The following ABCA4 variants were observed in gnomAD, a reference collection of about 807,000 sequenced individuals.
The protein encoded by ABCA4 is retinal-specific phospholipid-transporting ATPase ABCA4.
A neutral mutation model predicts 263.7 loss-of-function variants in ABCA4; 196 were observed. The observed-to-expected ratio is 0.74, with a 90% confidence interval of 0.66 to 0.84. ABCA4 has a LOEUF of 0.84. ABCA4 is among the 40% of genes least tolerant of loss of function. The pLI is 0.00. For missense variants in ABCA4, 2,792 were observed against 2,855.1 expected (o/e 0.98, Z 0.50); for synonymous variants, 1,133 against 1,094.2 (o/e 1.04, Z -0.70).
At chr1:94,037,525 G>A (rs1462567290) in intron 24 of ABCA4, among the ~76,000 whole-genome samples, 175 bp from the exon 25 acceptor site, 3 of 152,014 alleles carry the variant, frequency 2.0e-5, no homozygotes, top group Non-Finnish European at 4.4e-5. Context: ...TAGCTTAGTT[G>A]GCCCTGAGAT....
In ABCA4 at chr1:94,042,809, G is replaced by A. The variant is rs752042614; in HGVS notation, c.3280C>T (p.Pro1094Ser). The A allele has an allele frequency of 1.9e-6, 3 of 1,614,160 alleles. No individual in the cohort carries two copies. Among genetic ancestry groups the A allele is most frequent in the Non-Finnish European group, 2.5e-6 (3 of 1,180,026 alleles). ...ILDEPTSGVD[P>S]YSRRSIWDLL... ...TCCCAGATTGAGCGTCTCGAGTAAG[G>A]GTCCACCCCAGAGGTGGGTTCGTCC... is the stretch of plus-strand genomic sequence containing the variant. The change falls in exon 22 of 50, where the codon CCT becomes TCT. Residue 1094 changes from proline (P) to serine (S), a missense_variant. Coordinates refer to ENST00000370225, the MANE Select transcript of ABCA4 (RefSeq NM_000350.3).
chr1:94,016,006 T>C (rs1659727689), intron 36 of ABCA4, 152 bp from the exon 37 acceptor site: 4 of 732,314 alleles, frequency 5.5e-6, no homozygotes, highest in African/African-American at 1.7e-5. Context: ...GGCAAACATA[T>C]GTTAAGCTGT....
In ABCA4 at chr1:94,060,537, C is replaced by T. The variant is rs775836570; in HGVS notation, c.2160G>A (p.Met720Ile). 6.2e-6 allele frequency: 10 copies of T among 1,613,464 alleles called. No homozygotes were observed. The highest frequency in any genetic ancestry group is 8.5e-6 in the Non-Finnish European group (10 of 1,179,884). Residue 720 changes from methionine (M) to isoleucine (I), a missense_variant and splice_region_variant, in exon 14 of 50, where the codon ATG becomes ATA. Physicochemically the swap from Met to Ile is conservative, Grantham distance 10. Transcript: ENST00000370225. Reference protein sequence around the residue: ...MSIFLLTIFIMHGRILHYSDP... With the variant: ...MSIFLLTIFIIHGRILHYSDP... ...TCTGGGCCTTCTCCATTTGGCTTAC[C>T]ATGATGAATATCGTCAGGAGGAAGA... is the stretch of plus-strand genomic sequence containing the variant.
intron 4 of ABCA4, among the ~76,000 whole-genome samples, chr1:94,107,214 C>A (rs369564059): frequency 2.0e-5 from 3 of 152,130 alleles, no homozygotes; most frequent in African/African-American, 7.2e-5. Context: ...GAGTCAACTC[C>A]CTAATCCTAG....
At chr1:94,011,167 C>G in intron 39 of ABCA4, 95 bp downstream of exon 39, 2 of 1,602,954 alleles carry the variant, frequency 1.2e-6, no homozygotes, top group East Asian at 2.2e-5. Context: ...CTCCTAGCAC[C>G]AGCCCCTGCC....
At chr1:94,014,826 A>G in intron 37 of ABCA4, 136 bp from the exon 38 acceptor site, 1 of 1,122,314 alleles carries the variant, frequency 8.9e-7, no homozygotes, top group Non-Finnish European at 1.3e-6. Flanking sequence ...GACCAGAGAG[A>G]TACTCCATTT....
At chr1:94,002,261 A>G (rs1219181092) in intron 44 of ABCA4, among the ~76,000 whole-genome samples, 1 of 152,188 alleles carries the variant, frequency 6.6e-6, no homozygotes, top group East Asian at 1.9e-4. Context: ...CAGCCTTACA[A>G]AGAGCAAGAC....
At chr1:94,104,684 C>T (rs1397031119) in intron 4 of ABCA4, among the ~76,000 whole-genome samples, 1 of 152,152 alleles carries the variant, frequency 6.6e-6, no homozygotes, top group Non-Finnish European at 1.5e-5. Context: ...GAGTGGTGCC[C>T]ACTGTCACTC....
chr1:94,038,977 A>T (rs553441679), intron 24 of ABCA4, among the ~76,000 whole-genome samples: 34 of 152,272 alleles, frequency 2.2e-4, no homozygotes, highest in African/African-American at 7.2e-4. Flanking sequence ...AAAGTAATTT[A>T]AAAAAAAGAA....
chr1:94,060,984 C>T (rs1466264861), intron 13 of ABCA4, among the ~76,000 whole-genome samples: 1 of 152,162 alleles, frequency 6.6e-6, no homozygotes, highest in African/African-American at 2.4e-5. Flanking sequence ...TTCTGGTTAG[C>T]CCGGGTGAAT....
At chr1:94,074,645 G>C (rs1435317053) in intron 11 of ABCA4, among the ~76,000 whole-genome samples, 1 of 152,204 alleles carries the variant, frequency 6.6e-6, no homozygotes, top group Non-Finnish European at 1.5e-5. Flanking sequence ...TCTCATGCCA[G>C]TCAGAATGGT....
chr1:94,086,588 T>C (rs1267867619), intron 6 of ABCA4, among the ~76,000 whole-genome samples: 3 of 152,066 alleles, frequency 2.0e-5, no homozygotes, highest in Non-Finnish European at 1.5e-5. Flanking sequence ...TGTTTACTTA[T>C]ATAAAGTACA....
In ABCA4 at chr1:94,049,402, T is replaced by C. The variant is rs371287597; in HGVS notation, c.2654-445A>G. ...GCACTTTGGGAGGCCAATGTAGGCG[T>C]ATCATGAGGTCAGGAGTTCGAGACC... On this transcript the variant is annotated intron_variant, in intron 17 of 49. Coordinates refer to ENST00000370225, the MANE Select transcript of ABCA4 (RefSeq NM_000350.3). Among the ~76,000 whole-genome samples, 15 of 152,202 alleles carry C rather than the reference T, an allele frequency of 9.9e-5. No individual in the cohort carries two copies. The East Asian group carries it at 2.1e-3, about 22-fold the overall frequency.
intron 26 of ABCA4, among the ~76,000 whole-genome samples, chr1:94,033,058 G>A (rs148615896): frequency 5.3e-4 from 80 of 152,306 alleles, no homozygotes; most frequent in Non-Finnish European, 8.4e-4. Context: ...TTTGAATATG[G>A]ATTCTTACAA....
rs1471859416 is a variant in ABCA4, at chr1:94,079,479, A to G, written c.1100-18T>C. On this transcript the variant is annotated intron_variant, in intron 8 of 49. Coordinates refer to ENST00000370225, the MANE Select transcript of ABCA4 (RefSeq NM_000350.3). Reference sequence around the variant, plus strand: ...AAAGGATGCTGCCAGGAGACAAGGGACAGATTTTACAGAAACTCCCCATTG... The same window carrying G: ...AAAGGATGCTGCCAGGAGACAAGGGGCAGATTTTACAGAAACTCCCCATTG... 1 of 1,614,032 alleles carries G rather than the reference A, an allele frequency of 6.2e-7. No individual in the cohort carries two copies. The highest frequency in any genetic ancestry group is 8.5e-7 in the Non-Finnish European group (1 of 1,180,006).
Position 94,090,757 on chromosome 1 carries a change from G to A in ABCA4, c.769-7316C>T, listed in dbSNP as rs548592102. On this transcript the variant is annotated intron_variant, in intron 6 of 49. Coordinates refer to ENST00000370225, the MANE Select transcript of ABCA4 (RefSeq NM_000350.3). Reference sequence around the variant, plus strand: ...TATTTTGTTTGTCTTTTATCTTCTGGGCATGGTACACAGTAGGTGCTCAAT... The same window carrying A: ...TATTTTGTTTGTCTTTTATCTTCTGAGCATGGTACACAGTAGGTGCTCAAT... 4.6e-5 allele frequency among the ~76,000 whole-genome samples: 7 copies of A among 152,168 alleles called. No homozygotes were observed. The South Asian group carries it at 1.5e-3, about 32-fold the overall frequency.
At chr1:94,043,304 C>T (rs1460478929) in intron 21 of ABCA4, 32 bp downstream of exon 21, 3 of 1,613,860 alleles carry the variant, frequency 1.9e-6, no homozygotes, top group Admixed American at 3.3e-5. Flanking sequence ...GATTTGCCAT[C>T]TGTGGCCCTG....
intron 19 of ABCA4, chr1:94,045,952 G>A: frequency 2.2e-6 from 1 of 456,194 alleles, no homozygotes; most frequent in Non-Finnish European, 4.4e-6. Flanking sequence ...GAGGAGAGTG[G>A]GGCGCCTGCG....
At chr1:94,117,330 ACAC>A (rs1662818899) in intron 1 of ABCA4, among the ~76,000 whole-genome samples, 1 of 152,100 alleles carries the variant, frequency 6.6e-6, no homozygotes, top group South Asian at 2.1e-4. Flanking sequence ...GAGCCTGGGT[ACAC>A]TGGAGTTGGT....
Sources: allele counts gnomAD v4.1 joint callset (sites outside exome capture counted in the v4.1 genomes callset), GRCh38; gene constraint gnomAD v4.1.1; transcripts MANE v1.5; gene names NCBI Gene and HGNC (gene_info 2026-07-23, HGNC 2026-07-21).